Variants in ARHGAP24 observed in about 807,000 individuals in gnomAD.
ARHGAP24 encodes the protein Rho GTPase activating protein 24, also known as rho GTPase-activating protein 24.
Under a neutral mutation model 76.4 loss-of-function variants are expected in ARHGAP24, and 50 were observed. That is an observed-to-expected ratio of 0.65 (90% confidence interval 0.52 to 0.83). ARHGAP24 has a LOEUF of 0.83. ARHGAP24 is among the 40% of genes least tolerant of loss of function. The pLI is 0.00. For missense variants in ARHGAP24, 930 were observed against 914.2 expected (o/e 1.02, Z -0.22); for synonymous variants, 345 against 323.3 (o/e 1.07, Z -0.72).
At chr4:85,977,797 A>G (rs1424731135) in intron 8 of ARHGAP24, 106 bp downstream of exon 8, 11 of 1,330,142 alleles carry the variant, frequency 8.3e-6, no homozygotes, top group South Asian at 2.4e-5. Context: ...AAGTGAATAC[A>G]TGGCAACTCC....
intron 4 of ARHGAP24, among the ~76,000 whole-genome samples, chr4:85,928,879 G>A (rs1024042251): frequency 2.6e-5 from 4 of 152,208 alleles, no homozygotes; most frequent in Non-Finnish European, 5.9e-5. Context: ...CAGCAAGGCA[G>A]TAAGAATACT....
intron 1 of ARHGAP24, among the ~76,000 whole-genome samples, chr4:85,510,375 T>C (rs1372063315): frequency 6.6e-6 from 1 of 152,058 alleles, no homozygotes; most frequent in East Asian, 1.9e-4. Flanking sequence ...CCTTCACACA[T>C]ATTCAGCATA....
intron 1 of ARHGAP24, among the ~76,000 whole-genome samples, chr4:85,507,618 A>G (rs1197348338): frequency 6.6e-6 from 1 of 152,174 alleles, no homozygotes; most frequent in Non-Finnish European, 1.5e-5. Context: ...AAGACCCTCT[A>G]TGGCTGGATA....
intron 1 of ARHGAP24, among the ~76,000 whole-genome samples, chr4:85,493,971 C>T (rs1193681036): frequency 1.3e-5 from 2 of 152,118 alleles, no homozygotes; most frequent in Admixed American, 6.6e-5. Flanking sequence ...TCTTCCTCAT[C>T]GTGAAAAATT....
intron 2 of ARHGAP24, among the ~76,000 whole-genome samples, chr4:85,653,693 C>T (rs1374181303): frequency 1.3e-5 from 2 of 152,044 alleles, no homozygotes; most frequent in African/African-American, 4.8e-5. Flanking sequence ...CCATGTTGGC[C>T]AGGCTGGCCT....
intron 3 of ARHGAP24, among the ~76,000 whole-genome samples, chr4:85,859,694 A>G (rs1291770721): frequency 6.6e-6 from 1 of 152,112 alleles, no homozygotes; most frequent in Non-Finnish European, 1.5e-5. Context: ...ATTTAGGTAC[A>G]TGGACTATTT....
At chr4:85,999,108 A>C (rs1490774760) in intron 9 of ARHGAP24, among the ~76,000 whole-genome samples, 1 of 152,194 alleles carries the variant, frequency 6.6e-6, no homozygotes, top group Non-Finnish European at 1.5e-5. Flanking sequence ...CATTCCTGGA[A>C]GTTTCCCACA....
intron 2 of ARHGAP24, among the ~76,000 whole-genome samples, chr4:85,643,230 TTGTG>T (rs1560566224): frequency 9.7e-6 from 1 of 103,424 alleles, no homozygotes; most frequent in African/African-American, 3.6e-5. Flanking sequence ...TTCCGTTTTT[TTGTG>T]TTTTTTTTTT....
chr4:85,515,155 C>T (rs1317199166), intron 1 of ARHGAP24, among the ~76,000 whole-genome samples: 1 of 152,020 alleles, frequency 6.6e-6, no homozygotes, highest in Non-Finnish European at 1.5e-5. Flanking sequence ...AACTTTCAGT[C>T]ACCCTGCATG....
intron 1 of ARHGAP24, among the ~76,000 whole-genome samples, chr4:85,487,981 C>G (rs961846912): frequency 6.8e-6 from 1 of 147,308 alleles, no homozygotes; most frequent in African/African-American, 2.5e-5. Context: ...TCTCGGCTCA[C>G]TGCAAGCTCT....
At chr4:85,698,585 A>C (rs1039177744) in intron 2 of ARHGAP24, among the ~76,000 whole-genome samples, 2 of 152,302 alleles carry the variant, frequency 1.3e-5, no homozygotes, top group East Asian at 1.9e-4. Context: ...CTGCTGCCTT[A>C]GCAAAATATC....
chr4:85,675,454 T>C (rs918089669), intron 2 of ARHGAP24, among the ~76,000 whole-genome samples: 1 of 152,214 alleles, frequency 6.6e-6, no homozygotes, highest in East Asian at 1.9e-4. Flanking sequence ...AAGGGCAGAA[T>C]GGTTAATGTG....
intron 3 of ARHGAP24, among the ~76,000 whole-genome samples, chr4:85,749,343 A>G (rs1267692588): frequency 6.6e-6 from 1 of 152,222 alleles, no homozygotes; most frequent in Non-Finnish European, 1.5e-5. Context: ...TTATGTCCTT[A>G]GAAGAGTCTC....
chr4:85,573,272 G>A (rs1578046961), intron 2 of ARHGAP24, among the ~76,000 whole-genome samples: 1 of 152,276 alleles, frequency 6.6e-6, no homozygotes, highest in East Asian at 1.9e-4. Context: ...GTTTTGCCCT[G>A]ATGTTTAAAC....
In ARHGAP24 at chr4:85,992,603, G is replaced by A. The variant is rs1014706921; in HGVS notation, c.929-1980G>A. ...TATATAATGGAAACTGCAAACCTCC[G>A]AAAGTGTGTCTGCGTGTGGGCAAAT... On this transcript the variant is annotated intron_variant, in intron 8 of 9. Coordinates refer to ENST00000395184, the MANE Select transcript of ARHGAP24 (RefSeq NM_001025616.3). 2.0e-5 allele frequency among the ~76,000 whole-genome samples: 3 copies of A among 152,256 alleles called. No individual in the cohort carries two copies. The East Asian group carries it at 5.8e-4, about 29-fold the overall frequency.
rs547598474 is a variant in ARHGAP24 at position 85,836,390 on chromosome 4, T to C, written c.269-87258T>C. On this transcript the variant is annotated intron_variant, in intron 3 of 9. Coordinates refer to ENST00000395184, the MANE Select transcript of ARHGAP24 (RefSeq NM_001025616.3). The stretch of plus-strand genomic sequence containing the variant: ...AATCAAGGTGTTAGCAGGTTGATGC[T>C]GCCTCTGAAGACACTACAGAAGGTC... Among the ~76,000 whole-genome samples, 249 of 152,340 alleles carry C rather than the reference T, an allele frequency of 1.6e-3. 1 individual carries two copies. Among genetic ancestry groups the C allele is most frequent in the Non-Finnish European group, 3.2e-3 (218 of 68,026 alleles).
chr4:85,729,620 G>A (rs1725318100), intron 3 of ARHGAP24, among the ~76,000 whole-genome samples: 2 of 152,100 alleles, frequency 1.3e-5, no homozygotes, highest in Non-Finnish European at 2.9e-5. Context: ...CGCTAGACCA[G>A]GGGCCAGCAA....
chr4:85,951,378 C>T (rs1356342504), intron 5 of ARHGAP24, among the ~76,000 whole-genome samples: 4 of 151,844 alleles, frequency 2.6e-5, no homozygotes, highest in African/African-American at 9.7e-5. Flanking sequence ...GCTGTTTGAT[C>T]TTTCACATGG....
intron 2 of ARHGAP24, among the ~76,000 whole-genome samples, chr4:85,594,580 CA>C (rs1728242360): frequency 6.6e-6 from 1 of 151,928 alleles, no homozygotes; most frequent in African/African-American, 2.4e-5. Flanking sequence ...ATATTATATT[CA>C]AAAGCCATTG....
Sources: allele counts gnomAD v4.1 joint callset (sites outside exome capture counted in the v4.1 genomes callset), GRCh38; gene constraint gnomAD v4.1.1; transcripts MANE v1.5; gene names NCBI Gene and HGNC (gene_info 2026-07-23, HGNC 2026-07-21).